The following KMT2E variants were observed in gnomAD, a reference collection of about 807,000 sequenced individuals.
KMT2E encodes histone reader KMT2E.
Under a neutral mutation model 184.6 loss-of-function variants are expected in KMT2E, and 30 were observed. The ratio of observed to expected loss-of-function variants is 0.16; its 90% CI spans 0.12 to 0.22. KMT2E has a LOEUF of 0.22. KMT2E is among the 10% of genes least tolerant of loss of function. The probability of loss-of-function intolerance (pLI) is 1.00; values close to 1 mark genes in which losing one functional copy is unlikely to be tolerated. For missense variants in KMT2E, 2,023 were observed against 2,237.4 expected (o/e 0.90, Z 1.93); for synonymous variants, 815 against 776.5 (o/e 1.05, Z -0.82).
At position 105,113,087 on chromosome 7, in the gene KMT2E, C is replaced by G. The variant is rs774712915; in HGVS notation, c.5331C>G (p.His1777Gln). ...CCACTTTGGGACCGGGACCCCAGCA[C>G]CAGCCTTCTGGAACAGGGCCACATT... ...HHTTLGPGPQ[H>Q]QPSGTGPHCP... The change falls in exon 27 of 27, where the codon CAC becomes CAG. Residue 1777 changes from histidine (H) to glutamine (Q), a missense_variant. Around this residue, in one of 8 missense-constraint regions of KMT2E, gnomAD observed 1,108 missense variants for 1,050.9 expected, o/e 1.05. Coordinates refer to ENST00000311117, the MANE Select transcript of KMT2E (RefSeq NM_182931.3). 6.2e-7 allele frequency: 1 copy of G among 1,614,176 alleles called. No individual in the cohort carries two copies. Among genetic ancestry groups the G allele is most frequent in the Non-Finnish European group, 8.5e-7 (1 of 1,180,034 alleles).
Position 105,074,733 on chromosome 7 carries a change from C to T in KMT2E, c.647C>T (p.Thr216Ile). 5.0e-6 allele frequency: 8 copies of T among 1,610,964 alleles called. No homozygotes were observed. The highest frequency in any genetic ancestry group is 6.8e-6 in the Non-Finnish European group (8 of 1,178,670). ...FQHTPTSITL[T>I]ASRVSKVNDK... ...CATACTCCAACATCAATTACTTTAA[C>T]TGCTTCAAGAGTTTCCAAAGTTAAT... is the stretch of plus-strand genomic sequence containing the variant. The change falls in exon 8 of 27, where the codon ACT becomes ATT. Residue 216 changes from threonine (T) to isoleucine (I), a missense_variant. By Grantham distance (89) the Thr-to-Ile change is moderately conservative (BLOSUM62 -1). Around this residue, in one of 8 missense-constraint regions of KMT2E, gnomAD observed 191 missense variants for 209.0 expected, o/e 0.91. Coordinates refer to ENST00000311117, the MANE Select transcript of KMT2E (RefSeq NM_182931.3).
chr7:105,035,973 A>G (rs1021214809), intron 1 of KMT2E, among the ~76,000 whole-genome samples: 17 of 152,182 alleles, frequency 1.1e-4, no homozygotes, highest in Admixed American at 1.0e-3. Flanking sequence ...GGGAGGAGCA[A>G]GGTCGGTTTT....
chr7:105,051,954 A>C (rs1236757351), intron 3 of KMT2E, among the ~76,000 whole-genome samples: 1 of 152,084 alleles, frequency 6.6e-6, no homozygotes, highest in African/African-American at 2.4e-5. Flanking sequence ...AGGCCCTTGT[A>C]ATCTCTTGAC....
At chr7:105,077,913 C>G (rs1169867299) in intron 11 of KMT2E, 1 of 155,706 alleles carries the variant, frequency 6.4e-6, no homozygotes, top group African/African-American at 2.4e-5. Flanking sequence ...ACTTTCAACA[C>G]CCACTTTGTT....
At chr7:105,082,599 G>C (rs185336624) in intron 13 of KMT2E, among the ~76,000 whole-genome samples, 6 of 152,082 alleles carry the variant, frequency 3.9e-5, no homozygotes, top group Non-Finnish European at 7.3e-5. Flanking sequence ...GAGGAAGGGT[G>C]GGGGTTGCTC....
At chr7:105,104,959 A>AG (rs1261570199) in intron 17 of KMT2E, 1 of 152,432 alleles carries the variant, frequency 6.6e-6, no homozygotes, top group African/African-American at 2.4e-5. Flanking sequence ...GCTTGAGCCC[A>AG]GGGGTTGAGA....
At chr7:105,093,453 G>A (rs894692873) in intron 15 of KMT2E, among the ~76,000 whole-genome samples, 1 of 152,088 alleles carries the variant, frequency 6.6e-6, no homozygotes, top group South Asian at 2.1e-4. Context: ...AGGCCGAGAC[G>A]GGTGGATCAT....
chr7:105,098,857 C>CT (rs1419227452), intron 15 of KMT2E, among the ~76,000 whole-genome samples: 8 of 152,142 alleles, frequency 5.3e-5, no homozygotes, highest in African/African-American at 1.4e-4. Flanking sequence ...CATGGGAAAT[C>CT]TATCGAGTTT....
At chr7:105,050,346 T>C (rs1304863454) in intron 3 of KMT2E, among the ~76,000 whole-genome samples, 1 of 152,240 alleles carries the variant, frequency 6.6e-6, no homozygotes, top group Non-Finnish European at 1.5e-5. Context: ...TGGTCATTTT[T>C]TCCTGGCTTA....
Position 105,112,089 on chromosome 7 carries a change from C to G in KMT2E, c.4333C>G (p.Pro1445Ala). The G allele has an allele frequency of 6.2e-7, 1 of 1,614,182 alleles. No homozygotes were observed. The highest frequency in any genetic ancestry group is 8.5e-7 in the Non-Finnish European group (1 of 1,180,018). ...VPTKLHCPPS[P>A]HLENPPKSST... The stretch of plus-strand genomic sequence containing the variant: ...AACAAAGTTGCACTGTCCTCCATCA[C>G]CTCACCTAGAAAATCCTCCAAAGTC... The change falls in exon 27 of 27, where the codon CCT becomes GCT. Residue 1445 changes from proline to alanine, a missense_variant. By Grantham distance (27) the Pro-to-Ala change is conservative (BLOSUM62 -1). Transcript: ENST00000311117.
At chr7:105,048,975 A>G (rs1796218138) in intron 3 of KMT2E, among the ~76,000 whole-genome samples, 1 of 152,174 alleles carries the variant, frequency 6.6e-6, no homozygotes, top group East Asian at 1.9e-4. Flanking sequence ...CTTTCTTTAA[A>G]TATAATTAGG....
intron 1 of KMT2E, among the ~76,000 whole-genome samples, chr7:105,026,447 G>A (rs962925022): frequency 5.9e-5 from 9 of 152,208 alleles, no homozygotes; most frequent in Non-Finnish European, 1.3e-4. Context: ...GTGGCAGATA[G>A]TTGAGTGCCT....
At chr7:105,106,886 T>G (rs1235733616) in intron 20 of KMT2E, 114 bp downstream of exon 20, 20 of 1,062,416 alleles carry the variant, frequency 1.9e-5, no homozygotes, top group Non-Finnish European at 2.7e-5. Context: ...AAAAAAAGGT[T>G]GTAAGAAACT....
In KMT2E at chr7:105,022,293, C is replaced by G. The variant is rs1794987469; in HGVS notation, c.-189+7758C>G. 2.0e-5 allele frequency among the ~76,000 whole-genome samples: 3 copies of G among 151,930 alleles called. No homozygotes were observed. In the South Asian group the frequency reaches 6.2e-4, roughly 31 times the overall value. On this transcript the variant is annotated intron_variant, in intron 1 of 26. Transcript: ENST00000311117. ...CACAGATTGCATTTAGTTTTGTTGT[C>G]CCTTAAGTCTCTTTTAATCTGGAAC...
chr7:105,108,744 TAATGTATGTAAATCATC>T (rs1799023016), intron 22 of KMT2E, 181 bp from the exon 23 acceptor site: 1 of 560,000 alleles, frequency 1.8e-6, no homozygotes, highest in South Asian at 2.1e-5. Context: ...ATAAATGAGA[TAATGTATGTAAATCATC>T]TAAGTACAAT....
In KMT2E at chr7:105,113,721, G is replaced by A. The variant is rs1222158778; in HGVS notation, c.*388G>A. The A allele has an allele frequency of 6.1e-6, 1 of 165,004 alleles. No homozygotes were observed. Among genetic ancestry groups the A allele is most frequent in the Admixed American group, 6.3e-5 (1 of 15,912 alleles). The allele number at this position is 165,004 out of a possible 1,614,324, so 10.2% of individuals were successfully genotyped here. ...TTTTTTTTCTTTCCTGTCAGCAGCA[G>A]TTCTGTGAATGCATCTTAGGTATAA... On this transcript the variant is annotated 3_prime_UTR_variant, in exon 27 of 27. Coordinates refer to ENST00000311117, the MANE Select transcript of KMT2E (RefSeq NM_182931.3).
At chr7:105,063,235 C>A in intron 4 of KMT2E, 116 bp from the exon 5 acceptor site, 1 of 702,462 alleles carries the variant, frequency 1.4e-6, no homozygotes, top group Non-Finnish European at 2.3e-6. Flanking sequence ...AAGGAATGAG[C>A]CAGTCTCATA....
At chr7:105,089,922 T>C in intron 13 of KMT2E, 87 bp from the exon 14 acceptor site, 4 of 1,538,876 alleles carry the variant, frequency 2.6e-6, no homozygotes, top group Non-Finnish European at 3.5e-6. Context: ...GCATACAATT[T>C]TGTGGAGTTG....
At chr7:105,021,293 T>G (rs1794941649) in intron 1 of KMT2E, among the ~76,000 whole-genome samples, 1 of 152,240 alleles carries the variant, frequency 6.6e-6, no homozygotes, top group African/African-American at 2.4e-5. Context: ...TTATTACATC[T>G]TACATCATTA....
Sources: gnomAD v4.1 joint callset for allele counts (sites outside exome capture counted in the v4.1 genomes callset) on GRCh38, gnomAD v4.1.1 for gene constraint, gnomAD v4.1.1 regional missense constraint, MANE v1.5 for transcripts, NCBI Gene and HGNC (gene_info 2026-07-23, HGNC 2026-07-21) for gene names.